MCM10: variants seen among roughly 807,000 people sequenced by gnomAD.
MCM10 encodes the protein minichromosome maintenance 10 replication initiation factor, also known as protein MCM10 homolog.
In MCM10, 91 loss-of-function variants were observed where a neutral mutation model predicts 109.9. That is an observed-to-expected ratio of 0.83 (90% CI 0.70 to 0.99). The LOEUF is 0.99. Among genes scored for constraint, MCM10 ranks in the 50% least tolerant of loss-of-function variants. MCM10 has a pLI of 0.00. For synonymous variants in MCM10, 380 were observed against 387.2 expected (o/e 0.98, Z 0.22); for missense variants, 1,077 against 1,061.2 (o/e 1.01, Z -0.21).
chr10:13,186,364 C>A, intron 9 of MCM10, 84 bp downstream of exon 9: 2 of 847,752 alleles, frequency 2.4e-6, no homozygotes, highest in Non-Finnish European at 3.8e-6. Flanking sequence ...CTGTGATGAC[C>A]AGTTTGGAAC....
At chr10:13,195,004 AC>A (rs1834396301) in intron 13 of MCM10, 36 bp from the exon 14 acceptor site, 1 of 1,581,106 alleles carries the variant, frequency 6.3e-7, no homozygotes, top group African/African-American at 1.4e-5. Context: ...ATTTTCGTAA[AC>A]CCTGTTTGCG....
chr10:13,196,667 C>T (rs1370368695), intron 14 of MCM10, among the ~76,000 whole-genome samples: 1 of 151,944 alleles, frequency 6.6e-6, no homozygotes, highest in Non-Finnish European at 1.5e-5. Context: ...TGCCCACCAC[C>T]ATGCCTGACT....
At position 13,192,248 on chromosome 10, in the gene MCM10, G is replaced by T. The variant is rs1396470606; in HGVS notation, c.1517-7G>T. 6.3e-7 allele frequency: 1 copy of T among 1,598,754 alleles called. No homozygotes were observed. Among genetic ancestry groups the T allele is most frequent in the African/African-American group, 1.3e-5 (1 of 74,592 alleles). On this transcript the variant is annotated splice_region_variant and splice_polypyrimidine_tract_variant and intron_variant, in intron 11 of 19. Coordinates refer to ENST00000378714, the MANE Select transcript of MCM10 (RefSeq NM_018518.5). ...AATCCTCTAAAGCTGGTGTTGACCT[G>T]GCACAGGAATACCCCAGAAGAGCCT...
Position 13,209,281 on chromosome 10 carries a change from C to T in MCM10, c.2596C>T (p.His866Tyr). The T allele has an allele frequency of 1.2e-6, 2 of 1,613,930 alleles. No individual in the cohort carries two copies. The highest frequency in any genetic ancestry group is 8.5e-7 in the Non-Finnish European group (1 of 1,179,912). ...GETLLPRGEE[H>Y]AKFLNSLK ...AACTCTGTTACCAAGAGGAGAAGAA[C>T]ATGCTAAATTTCTGAACAGCCTTAA... Residue 866 changes from histidine to tyrosine, a missense_variant, in exon 20 of 20, where the codon CAT (histidine) becomes TAT (tyrosine). Physicochemically the swap from His to Tyr is moderately conservative, Grantham distance 83 (BLOSUM62 2). Transcript: ENST00000378714.
In MCM10 at chr10:13,182,794, T is replaced by TA. The variant is rs1207271255; in HGVS notation, c.931-138dup. On this transcript the variant is annotated intron_variant, in intron 7 of 19. Coordinates refer to ENST00000378714, the MANE Select transcript of MCM10 (RefSeq NM_018518.5). This position sits in a 1 kb window ranked among gnomAD's most constrained non-coding sequence, Gnocchi z 4.2. ...TTAAAGTTATCACACATGCTGATGATACATATTTGAATAACAACAAAAAAA... is the reference window on the plus strand; with the variant it reads ...TTAAAGTTATCACACATGCTGATGATAACATATTTGAATAACAACAAAAAAA... 3.3e-6 allele frequency: 2 copies of TA among 610,822 alleles called. No homozygotes were observed. The highest frequency in any genetic ancestry group is 1.8e-5 in the African/African-American group (1 of 54,124). 37.8% of individuals were successfully genotyped at this position (610,822 alleles called of 1,614,324 possible).
chr10:13,175,330 A>G (rs1249188482), intron 5 of MCM10, among the ~76,000 whole-genome samples, 180 bp from the exon 6 acceptor site: 1 of 152,046 alleles, frequency 6.6e-6, no homozygotes, highest in Non-Finnish European at 1.5e-5. Context: ...CTACTCAGAA[A>G]TCGCTTAAAC....
intron 17 of MCM10, among the ~76,000 whole-genome samples, chr10:13,202,382 A>C (rs1834511960): frequency 6.6e-6 from 1 of 152,094 alleles, no homozygotes; most frequent in South Asian, 2.1e-4. Flanking sequence ...AAGAAAGAAG[A>C]AAGCTCTTGC....
intron 18 of MCM10, among the ~76,000 whole-genome samples, chr10:13,205,881 G>A (rs1834573781): frequency 6.6e-6 from 1 of 152,168 alleles, no homozygotes; most frequent in Non-Finnish European, 1.5e-5. Context: ...CGGAGGCAGA[G>A]CTGCCGTGTT....
At chr10:13,164,514 G>A (rs1422786608) in intron 2 of MCM10, among the ~76,000 whole-genome samples, 2 of 152,204 alleles carry the variant, frequency 1.3e-5, no homozygotes, top group Admixed American at 6.5e-5. Flanking sequence ...TCAGGCAAAC[G>A]TATTTTATAG....
At chr10:13,170,364 TC>T (rs202141240) in intron 2 of MCM10, among the ~76,000 whole-genome samples, 9 of 143,980 alleles carry the variant, frequency 6.3e-5, no homozygotes, top group Non-Finnish European at 1.3e-4. Flanking sequence ...ATAGTTTGTA[TC>T]TTTTTTTTTT....
At chr10:13,167,955 G>A (rs1433915627) in intron 2 of MCM10, among the ~76,000 whole-genome samples, 1 of 152,222 alleles carries the variant, frequency 6.6e-6, no homozygotes, top group East Asian at 1.9e-4. Flanking sequence ...GAGGCTGGGA[G>A]ATTGAGTCAG....
intron 16 of MCM10, 114 bp downstream of exon 16, chr10:13,198,921 AG>A (rs1186744661): frequency 1.4e-6 from 1 of 718,078 alleles, no homozygotes; most frequent in East Asian, 2.7e-5. Context: ...TCTGAGACAG[AG>A]TCTCAGTCTG....
Position 13,204,230 on chromosome 10 carries a change from C to T in MCM10, c.2364C>T (p.Thr788=). The T allele has an allele frequency of 1.2e-6, 2 of 1,614,048 alleles. No individual in the cohort carries two copies. The highest frequency in any genetic ancestry group is 1.7e-6 in the Non-Finnish European group (2 of 1,179,990). The change falls in exon 18 of 20, where the codon ACC becomes ACT. Residue 788 remains threonine, a synonymous_variant. Coordinates refer to ENST00000378714, the MANE Select transcript of MCM10 (RefSeq NM_018518.5). ...GTTGCTCTGTGCAGTGCGCCTATAC[C>T]CACTTCAAGCTGCTGGAGACCTGCG... ...RVVTCKTCAY[T]HFKLLETCVS... is the part of the protein sequence containing the mutation.
intron 13 of MCM10, among the ~76,000 whole-genome samples, chr10:13,192,805 A>T (rs868621060): frequency 6.6e-6 from 1 of 152,090 alleles, no homozygotes; most frequent in African/African-American, 2.4e-5. Context: ...TGGAAAAGGG[A>T]AAGGAGTGAA....
At chr10:13,166,332 T>C (rs1833996472) in intron 2 of MCM10, among the ~76,000 whole-genome samples, 1 of 152,022 alleles carries the variant, frequency 6.6e-6, no homozygotes. Flanking sequence ...ACATCTATTT[T>C]TTCTGTAAAA....
intron 5 of MCM10, among the ~76,000 whole-genome samples, chr10:13,173,905 C>A (rs1834107542): frequency 6.6e-6 from 1 of 152,022 alleles, no homozygotes; most frequent in African/African-American, 2.4e-5. Flanking sequence ...TGAGGGCAAA[C>A]AACAATCTTA....
chr10:13,173,915 A>G (rs185158177), intron 5 of MCM10, among the ~76,000 whole-genome samples: 1 of 152,246 alleles, frequency 6.6e-6, no homozygotes, highest in Non-Finnish European at 1.5e-5. Context: ...CAACAATCTT[A>G]TGAAAGAGAG....
chr10:13,191,331 A>C lies in MCM10; in HGVS notation c.1448A>C (p.Gln483Pro), dbSNP rs2131578717. 6.2e-7 allele frequency: 1 copy of C among 1,614,152 alleles called. No individual in the cohort carries two copies. Among genetic ancestry groups the C allele is most frequent in the East Asian group, 2.2e-5 (1 of 44,884 alleles). Residue 483 changes from glutamine (Q) to proline (P), a missense_variant, in exon 11 of 20, where the codon CAA becomes CCA. By Grantham distance (76) the Gln-to-Pro change is moderately conservative. Coordinates refer to ENST00000378714, the MANE Select transcript of MCM10 (RefSeq NM_018518.5). The stretch of plus-strand genomic sequence containing the variant: ...GCTGTGGCTCCTAAGAAGAAGATTC[A>C]AACCACTCTGAGTAATCTGGTTGTT... ...AAAVAPKKKI[Q>P]TTLSNLVVKG...
chr10:13,194,244 A>T lies in MCM10; in HGVS notation c.1746-797A>T, dbSNP rs191044664. The stretch of plus-strand genomic sequence containing the variant: ...CTGGGCATGGTGGTGCACACTGTGG[A>T]CCCAGCTACTCGGGAGGCTGAGGTG... On this transcript the variant is annotated intron_variant, in intron 13 of 19. Coordinates refer to ENST00000378714, the MANE Select transcript of MCM10 (RefSeq NM_018518.5). Among the ~76,000 whole-genome samples, 535 of 152,158 alleles carry T rather than the reference A, an allele frequency of 3.5e-3. 2 individuals are homozygous for T. The highest frequency in any genetic ancestry group is 0.012 in the African/African-American group (505 of 41,500).
Sources: allele counts gnomAD v4.1 joint callset (sites outside exome capture counted in the v4.1 genomes callset), GRCh38; gene constraint gnomAD v4.1.1; non-coding constraint Gnocchi (gnomAD v3.1); transcripts MANE v1.5; gene names NCBI Gene and HGNC (gene_info 2026-07-23, HGNC 2026-07-21).